Variants in C10orf105 observed in about 807,000 individuals in gnomAD.
C10orf105 encodes chromosome 10 open reading frame 105.
C10orf105 carries 2 observed loss-of-function variants against 0.6 expected under a neutral mutation model. That is an observed-to-expected ratio of 3.18 (90% CI 1.30 to 10.01). The LOEUF (loss-of-function observed/expected upper bound fraction) is 10.01, where lower values mean the gene tolerates loss of function less well. C10orf105 is among the 30% of genes most tolerant of loss of function. The probability of loss-of-function intolerance (pLI) is 0.04; values close to 1 mark genes in which losing one functional copy is unlikely to be tolerated. For missense variants in C10orf105, 209 were observed against 191.4 expected (o/e 1.09, Z -0.54); for synonymous variants, 95 against 82.4 (o/e 1.15, Z -0.83).
At chr10:71,716,517 T>C in intron 1 of C10orf105, 175 bp from the exon 2 acceptor site, 2 of 554,058 alleles carry the variant, frequency 3.6e-6, no homozygotes, top group South Asian at 5.2e-5. Flanking sequence ...CAAGTCTAAG[T>C]GTACACACAG....
Position 71,715,982 on chromosome 10 carries a change from T to G in C10orf105, c.356A>C (p.Glu119Ala). 6.7e-7 allele frequency: 1 copy of G among 1,491,744 alleles called. No individual in the cohort carries two copies. Among genetic ancestry groups the G allele is most frequent in the Non-Finnish European group, 8.9e-7 (1 of 1,120,822 alleles). The allele number at this position is 1,491,744 out of a possible 1,614,324, so 92.4% of individuals were successfully genotyped here. A position where few individuals can be genotyped will look rare whatever the true frequency, so the allele number is the denominator to read the frequency against. ...TVPRQPLPGP[E>A]DNRSHCDYME... is the part of the protein sequence containing the mutation. ...GTAGTCACAGTGGCTGCGGTTGTCC[T>G]CGGGGCCCGGCAGGGGCTGTCGAGG... The change falls in exon 2 of 2, where the codon GAG becomes GCG. Residue 119 changes from glutamate (E) to alanine (A), a missense_variant. By Grantham distance (107) the Glu-to-Ala change is moderately radical (BLOSUM62 -1). Coordinates refer to ENST00000441508, the MANE Select transcript of C10orf105 (RefSeq NM_001164375.3).
rs115669958 is a variant in C10orf105 at position 71,716,027 on chromosome 10, C to T, written c.311G>A (p.Arg104His). ...TCGAGGGACGGTGGGCCGGCCATGG[C>T]GGAAGCTGTGCAGGGAGAGGCGCAA... ...GSLRLSLHSF[R>H]HGRPTVPRQP... The change falls in exon 2 of 2, where the codon CGC becomes CAC. Residue 104 changes from arginine (R) to histidine (H), a missense_variant. Physicochemically the swap from Arg to His is conservative, Grantham distance 29. Transcript: ENST00000441508. 318 of 1,502,336 alleles carry T rather than the reference C, an allele frequency of 2.1e-4. No individual in the cohort carries two copies. The African/African-American group carries it at 3.8e-3, about 18-fold the overall frequency. 93.1% of individuals were successfully genotyped at this position (1,502,336 alleles called of 1,614,324 possible). A position where few individuals can be genotyped will look rare whatever the true frequency, so the allele number is the denominator to read the frequency against.
chr10:71,726,093 A>T (rs569857486), intron 1 of C10orf105, among the ~76,000 whole-genome samples: 2 of 152,288 alleles, frequency 1.3e-5, no homozygotes, highest in South Asian at 4.1e-4. Context: ...GAATGGCTGA[A>T]AACCTACACA....
At chr10:71,726,517 G>A (rs757510562) in intron 1 of C10orf105, among the ~76,000 whole-genome samples, 2 of 152,194 alleles carry the variant, frequency 1.3e-5, no homozygotes, top group Admixed American at 6.5e-5. Context: ...GAAGAGCTGG[G>A]AAGACACCTG....
At position 71,712,582 on chromosome 10, in the gene C10orf105, G is replaced by A; in HGVS notation, c.*3354C>T. 6.6e-7 allele frequency: 1 copy of A among 1,526,664 alleles called. No individual in the cohort carries two copies. The highest frequency in any genetic ancestry group is 1.8e-5 in the Admixed American group (1 of 55,058). 94.6% of individuals were successfully genotyped at this position (1,526,664 alleles called of 1,614,324 possible). A position where few individuals can be genotyped will look rare whatever the true frequency, so the allele number is the denominator to read the frequency against. On this transcript the variant is annotated 3_prime_UTR_variant, in exon 2 of 2. Coordinates refer to ENST00000441508, the MANE Select transcript of C10orf105 (RefSeq NM_001164375.3). ...GCGGAACAGGGCACCTCTCTGGCCG[G>A]TGCCCGGGAGTGTGCAAAGTCACAG...
Position 71,716,176 on chromosome 10 carries a change from C to A in C10orf105, c.162G>T (p.Leu54=). 2 of 1,551,024 alleles carry A rather than the reference C, an allele frequency of 1.3e-6. No individual in the cohort carries two copies. Among genetic ancestry groups the A allele is most frequent in the Non-Finnish European group, 1.7e-6 (2 of 1,146,808 alleles). ...CGGCCGGCTTGCAGAGCGTCATGAA[C>A]AGCAGACAGGTGGCCAGCAGGAGGA... ...CIFLLLATCL[L]FMTLCKPAAL... The change falls in exon 2 of 2, where the codon CTG becomes CTT. Residue 54 remains leucine, a synonymous_variant. Coordinates refer to ENST00000441508, the MANE Select transcript of C10orf105 (RefSeq NM_001164375.3).
At chr10:71,732,365 A>T (rs2132826305) in intron 1 of C10orf105, 1 of 1,563,340 alleles carries the variant, frequency 6.4e-7, no homozygotes, top group Non-Finnish European at 8.7e-7. Context: ...TTCAAGATAG[A>T]CGCCATCACG....
At chr10:71,730,531 C>A (rs2132820182) in intron 1 of C10orf105, 1 of 1,613,944 alleles carries the variant, frequency 6.2e-7, no homozygotes, top group Non-Finnish European at 8.5e-7. Flanking sequence ...AGCAGTACAG[C>A]CGTCTGGGGC....
chr10:71,736,578 C>CATTCCCAT (rs1193051258), intron 1 of C10orf105, among the ~76,000 whole-genome samples: 9 of 152,178 alleles, frequency 5.9e-5, no homozygotes, highest in African/African-American at 1.7e-4. Context: ...ACACCCATCT[C>CATTCCCAT]ATTCCCATAG....
At position 71,713,443 on chromosome 10, in the gene C10orf105, C is replaced by G; in HGVS notation, c.*2493G>C. Reference sequence around the variant, plus strand: ...TTTCCGACTCGGAGGCTGAGCCAAACAGGGAATCTGGGCCTGCCCACTGGG... The same window carrying G: ...TTTCCGACTCGGAGGCTGAGCCAAAGAGGGAATCTGGGCCTGCCCACTGGG... On this transcript the variant is annotated 3_prime_UTR_variant, in exon 2 of 2. Coordinates refer to ENST00000441508, the MANE Select transcript of C10orf105 (RefSeq NM_001164375.3). 1 of 599,400 alleles carries G rather than the reference C, an allele frequency of 1.7e-6. No homozygotes were observed. Among genetic ancestry groups the G allele is most frequent in the Non-Finnish European group, 3.0e-6 (1 of 336,426 alleles). The allele number at this position is 599,400 out of a possible 1,614,324, so 37.1% of individuals were successfully genotyped here.
chr10:71,713,111 C>G lies in C10orf105; in HGVS notation c.*2825G>C, dbSNP rs2394838. 0.3 allele frequency: 234,285 copies of G among 771,594 alleles called. 41,987 individuals are homozygous for G. The highest frequency in any genetic ancestry group is 0.6 in the African/African-American group (35,663 of 59,012). The allele number at this position is 771,594 out of a possible 1,614,324, so 47.8% of individuals were successfully genotyped here. On this transcript the variant is annotated 3_prime_UTR_variant, in exon 2 of 2. Coordinates refer to ENST00000441508, the MANE Select transcript of C10orf105 (RefSeq NM_001164375.3). The stretch of plus-strand genomic sequence containing the variant: ...CACCCAGAAGGGCCTTTCAGAGTAG[C>G]GGGGAGAAAGAGACGTCACAATTTC...
chr10:71,729,218 G>A (rs1866951163), intron 1 of C10orf105, among the ~76,000 whole-genome samples: 1 of 152,226 alleles, frequency 6.6e-6, no homozygotes, highest in African/African-American at 2.4e-5. Flanking sequence ...GGTAAGCGGT[G>A]AGGAAAATGG....
rs140009195 is a variant in C10orf105, at chr10:71,734,161, A to G, written c.-6+3567T>C. On this transcript the variant is annotated intron_variant, in intron 1 of 1. Coordinates refer to the C10orf105 transcript ENST00000398786. The stretch of plus-strand genomic sequence containing the variant: ...ATGCCGGACAGAGGAAGTGACATGG[A>G]GGTGGAAAAGTGGGCAGAATGACCA... The G allele has an allele frequency of 4.5e-5, 51 of 1,130,954 alleles. No individual in the cohort carries two copies. In the East Asian group the frequency reaches 1.2e-3, roughly 27 times the overall value. The allele number at this position is 1,130,954 out of a possible 1,614,324, so 70.1% of individuals were successfully genotyped here. A position where few individuals can be genotyped will look rare whatever the true frequency, so the allele number is the denominator to read the frequency against.
intron 1 of C10orf105, among the ~76,000 whole-genome samples, chr10:71,737,311 G>T (rs1839593899): frequency 6.6e-6 from 1 of 152,184 alleles, no homozygotes; most frequent in African/African-American, 2.4e-5. Context: ...CCTCCCAACA[G>T]GTGTCATTCT....
intron 1 of C10orf105, among the ~76,000 whole-genome samples, chr10:71,727,662 TACACAC>T (rs201847134): frequency 6.6e-6 from 1 of 151,090 alleles, no homozygotes; most frequent in Non-Finnish European, 1.5e-5. Context: ...TCACGACACA[TACACAC>T]ACACACACGC....
chr10:71,716,432 G>A (rs999899170), intron 1 of C10orf105, 90 bp from the exon 2 acceptor site: 10 of 1,055,084 alleles, frequency 9.5e-6, no homozygotes, highest in African/African-American at 1.6e-5. Context: ...GAATGTGGAT[G>A]GGGGCAAGGC....
chr10:71,716,018 C>G lies in C10orf105; in HGVS notation c.320G>C (p.Arg107Pro). 2.7e-6 allele frequency: 4 copies of G among 1,499,646 alleles called. No individual in the cohort carries two copies. The highest frequency in any genetic ancestry group is 3.6e-6 in the Non-Finnish European group (4 of 1,123,766). 92.9% of individuals were successfully genotyped at this position (1,499,646 alleles called of 1,614,324 possible). A position where few individuals can be genotyped will look rare whatever the true frequency, so the allele number is the denominator to read the frequency against. Residue 107 changes from arginine to proline, a missense_variant, in exon 2 of 2, where the codon CGG becomes CCG. Arg to Pro is a moderately radical substitution (Grantham distance 103, BLOSUM62 -2). Transcript: ENST00000441508. ...CAGGGGCTGTCGAGGGACGGTGGGC[C>G]GGCCATGGCGGAAGCTGTGCAGGGA... ...RLSLHSFRHGRPTVPRQPLPG... is the reference protein window; with the variant it reads ...RLSLHSFRHGPPTVPRQPLPG...
chr10:71,737,729 T>A (rs1020487662), exon 1 of C10orf105: 1 of 470,810 alleles, frequency 2.1e-6, no homozygotes, highest in African/African-American at 2.0e-5. Context: ...CCTGGGTACC[T>A]GTGATTCCAG....
chr10:71,723,870 G>T (rs1276045008), upstream of C10orf105, among the ~76,000 whole-genome samples: 1 of 152,148 alleles, frequency 6.6e-6, no homozygotes, highest in East Asian at 1.9e-4. Flanking sequence ...ATCCTCTTGG[G>T]GATTAGAAAG....
Sources: gnomAD v4.1 joint callset for allele counts (sites outside exome capture counted in the v4.1 genomes callset) on GRCh38, gnomAD v4.1.1 for gene constraint, MANE v1.5 for transcripts, NCBI Gene and HGNC (gene_info 2026-07-23, HGNC 2026-07-21) for gene names.